The following CDK5RAP2 variants were observed in gnomAD, a reference collection of about 807,000 sequenced individuals.
The protein encoded by CDK5RAP2 is CDK5 regulatory subunit-associated protein 2.
In CDK5RAP2, 147 loss-of-function variants were observed where a neutral mutation model predicts 232.9. That is an observed-to-expected ratio of 0.63 (90% CI 0.55 to 0.72). The LOEUF (loss-of-function observed/expected upper bound fraction) is 0.72, where lower values mean the gene tolerates loss of function less well. Among genes scored for constraint, CDK5RAP2 ranks in the 30% least tolerant of loss-of-function variants. The pLI is 0.00. For missense variants in CDK5RAP2, 2,195 were observed against 2,231.5 expected (o/e 0.98, Z 0.33); for synonymous variants, 833 against 833.7 (o/e 1.00, Z 0.01).
intron 15 of CDK5RAP2, among the ~76,000 whole-genome samples, chr9:120,472,330 G>C (rs2037757842): frequency 6.6e-6 from 1 of 152,168 alleles, no homozygotes; most frequent in Non-Finnish European, 1.5e-5. Context: ...GCGTTAACTA[G>C]GTGAAAATAA....
chr9:120,439,595 G>A lies in CDK5RAP2; in HGVS notation c.3526C>T (p.Gln1176Ter). 6.2e-7 allele frequency: 1 copy of A among 1,614,154 alleles called. No individual in the cohort carries two copies. The highest frequency in any genetic ancestry group is 8.5e-7 in the Non-Finnish European group (1 of 1,180,018). Residue 1176 changes from glutamine to a stop codon, truncating the protein, a stop_gained, in exon 24 of 38, where the codon CAA becomes TAA. Coordinates refer to ENST00000349780, the MANE Select transcript of CDK5RAP2 (RefSeq NM_018249.6). LOFTEE classifies it high-confidence loss of function. ...TTCACGTGTTTCACGTATCGCACTTGGTGCAAACTTGAAAAGGTCATTTCT... is the reference window on the plus strand; with the variant it reads ...TTCACGTGTTTCACGTATCGCACTTAGTGCAAACTTGAAAAGGTCATTTCT... ...GEEMTFSSLH[Q>*]VRYVKHVKIL...
At chr9:120,455,558 T>C (rs1469149234) in intron 20 of CDK5RAP2, among the ~76,000 whole-genome samples, 1 of 151,724 alleles carries the variant, frequency 6.6e-6, no homozygotes, top group African/African-American at 2.4e-5. Flanking sequence ...CTGGGCAACA[T>C]GGTGAAACCC....
At chr9:120,476,693 AAAG>A (rs902931464) in intron 15 of CDK5RAP2, among the ~76,000 whole-genome samples, 2 of 151,804 alleles carry the variant, frequency 1.3e-5, no homozygotes, top group Non-Finnish European at 2.9e-5. Context: ...AAAAAAAAAA[AAAG>A]GACTTCTCAA....
At position 120,413,830 on chromosome 9, in the gene CDK5RAP2, A is replaced by AGGAGGGAGGAG. The variant is rs1554731833; in HGVS notation, c.4297+1199_4297+1209dup. 8.4e-4 allele frequency among the ~76,000 whole-genome samples: 78 copies of AGGAGGGAGGAG among 93,258 alleles called. 1 individual carries two copies. Among genetic ancestry groups the AGGAGGGAGGAG allele is most frequent in the African/African-American group, 2.8e-3 (60 of 21,510 alleles). 61.2% of individuals were successfully genotyped at this position (93,258 alleles called of 152,430 possible). ...AGCGAGGAGGGAGGAGGGAGGAGGG[A>AGGAGGGAGGAG]GGAGGGAGGAGGGAAGGAGGAGGGA... On this transcript the variant is annotated intron_variant, in intron 28 of 37. Transcript: ENST00000349780.
intron 10 of CDK5RAP2, among the ~76,000 whole-genome samples, chr9:120,527,503 T>G (rs1490824815): frequency 4.8e-5 from 3 of 62,586 alleles, no homozygotes; most frequent in Non-Finnish European, 9.7e-5. Context: ...GATGAAATGA[T>G]TATGTTTTGG....
chr9:120,478,272 G>A (rs559928730), intron 14 of CDK5RAP2, among the ~76,000 whole-genome samples: 8 of 152,268 alleles, frequency 5.3e-5, no homozygotes, highest in East Asian at 1.9e-4. Context: ...GCTGATTCCC[G>A]TATTAGGACA....
chr9:120,545,810 A>G lies in CDK5RAP2; in HGVS notation c.307-20T>C. 7.5e-6 allele frequency: 12 copies of G among 1,598,580 alleles called. No homozygotes were observed. The highest frequency in any genetic ancestry group is 1.3e-5 in the African/African-American group (1 of 74,740). ...AATGTTCTACAAAACAAGATTAAGA[A>G]AGAAAAGAAACAATGTAAAATAGAG... is the stretch of plus-strand genomic sequence containing the variant. On this transcript the variant is annotated intron_variant, in intron 4 of 37. Coordinates refer to ENST00000349780, the MANE Select transcript of CDK5RAP2 (RefSeq NM_018249.6).
At chr9:120,525,619 CT>C (rs200317852) in intron 10 of CDK5RAP2, among the ~76,000 whole-genome samples, 64 of 148,040 alleles carry the variant, frequency 4.3e-4, no homozygotes, top group Middle Eastern at 3.5e-3. Flanking sequence ...ACAATGTTGA[CT>C]TTTTTTTTTT....
intron 12 of CDK5RAP2, among the ~76,000 whole-genome samples, chr9:120,495,633 AC>A (rs2039154929): frequency 1.1e-5 from 1 of 89,792 alleles, no homozygotes; most frequent in African/African-American, 5.3e-5. Context: ...CCCGGCAGCC[AC>A]CCCGTCCGGG....
chr9:120,507,043 T>C (rs1221464127), intron 12 of CDK5RAP2, among the ~76,000 whole-genome samples: 2 of 152,206 alleles, frequency 1.3e-5, no homozygotes, highest in Non-Finnish European at 2.9e-5. Flanking sequence ...GCAAACTTCA[T>C]TCTTGCAGCA....
chr9:120,539,021 C>T lies in CDK5RAP2; in HGVS notation c.507+20G>A, dbSNP rs1341393337. ...AACCCACTATAAGAAATACACTGCC[C>T]TCAGGATTTCCAGACTTGCCTTTTC... On this transcript the variant is annotated intron_variant, in intron 6 of 37. Transcript: ENST00000349780. 1.9e-6 allele frequency: 3 copies of T among 1,613,340 alleles called. No individual in the cohort carries two copies. In the East Asian group the frequency reaches 6.7e-5, roughly 36 times the overall value.
Position 120,460,562 on chromosome 9 carries a change from A to C in CDK5RAP2, c.2202+10T>G. On this transcript the variant is annotated intron_variant, in intron 19 of 37. Coordinates refer to ENST00000349780, the MANE Select transcript of CDK5RAP2 (RefSeq NM_018249.6). ...TAGATGAAATAAGGAGTTAACTGAAAGGTTCCTACCTCATTACTCTGCTGC... is the reference window on the plus strand; with the variant it reads ...TAGATGAAATAAGGAGTTAACTGAACGGTTCCTACCTCATTACTCTGCTGC... The C allele has an allele frequency of 1.2e-6, 2 of 1,613,066 alleles. No homozygotes were observed. The highest frequency in any genetic ancestry group is 1.7e-6 in the Non-Finnish European group (2 of 1,179,060).
chr9:120,407,344 TC>T (rs781545642), intron 31 of CDK5RAP2, 96 bp from the exon 32 acceptor site: 8 of 888,156 alleles, frequency 9.0e-6, no homozygotes, highest in Non-Finnish European at 1.5e-5. Context: ...ACCACCACCA[TC>T]GCCCTCCCCC....
intron 18 of CDK5RAP2, among the ~76,000 whole-genome samples, chr9:120,462,185 T>C (rs2037128413): frequency 6.6e-6 from 1 of 152,198 alleles, no homozygotes; most frequent in Non-Finnish European, 1.5e-5. Context: ...TCCTACTATA[T>C]TATCCAGCAT....
chr9:120,575,832 T>C (rs913371217), intron 1 of CDK5RAP2, among the ~76,000 whole-genome samples: 4 of 152,348 alleles, frequency 2.6e-5, no homozygotes, highest in Middle Eastern at 3.4e-3. Flanking sequence ...TAAAAACACA[T>C]GCAATCAAAC....
intron 12 of CDK5RAP2, among the ~76,000 whole-genome samples, chr9:120,497,436 A>AAAAAAAAAAAAAAAAAAAAAAAC (rs2039354381): frequency 1.1e-5 from 1 of 87,374 alleles, no homozygotes; most frequent in African/African-American, 8.5e-5. Flanking sequence ...AAAAAAAAAA[A>AAAAAAAAAAAAAAAAAAAAAAAC]AAAAAAAAAA....
intron 12 of CDK5RAP2, among the ~76,000 whole-genome samples, chr9:120,491,954 T>TA (rs1240506588): frequency 2.6e-5 from 4 of 152,164 alleles, no homozygotes; most frequent in African/African-American, 9.6e-5. Context: ...CCATTTTTTT[T>TA]ACTTATTTTT....
chr9:120,513,363 A>AGG (rs2040181662), intron 12 of CDK5RAP2, among the ~76,000 whole-genome samples: 1 of 152,082 alleles, frequency 6.6e-6, no homozygotes, highest in Non-Finnish European at 1.5e-5. Flanking sequence ...CTACCCCACC[A>AGG]GGGGCCCCCT....
intron 14 of CDK5RAP2, among the ~76,000 whole-genome samples, chr9:120,480,249 CA>C (rs1262109652): frequency 6.6e-6 from 1 of 152,074 alleles, no homozygotes. Flanking sequence ...CCACCTACGA[CA>C]GGGGTTTTCA....
Sources: gnomAD v4.1 joint callset for allele counts (sites outside exome capture counted in the v4.1 genomes callset) on GRCh38, gnomAD v4.1.1 for gene constraint, MANE v1.5 for transcripts, NCBI Gene and HGNC (gene_info 2026-07-23, HGNC 2026-07-21) for gene names.